The following EPS15 variants were observed in gnomAD, a reference collection of about 807,000 sequenced individuals.
The protein encoded by EPS15 is epidermal growth factor receptor pathway substrate 15.
A neutral mutation model predicts 113.8 loss-of-function variants in EPS15; 72 were observed. The ratio of observed to expected loss-of-function variants is 0.63; its 90% CI spans 0.52 to 0.77. The LOEUF is 0.77. Among genes scored for constraint, EPS15 ranks in the 30% least tolerant of loss-of-function variants. The pLI is 0.00. For synonymous variants in EPS15, 344 were observed against 363.4 expected, an observed-to-expected ratio of 0.95 and a Z score of 0.61; for missense variants, 1,048 against 1,045.8, an observed-to-expected ratio of 1.00 and a Z score of -0.03.
In EPS15 at chr1:51,365,885, G is replaced by A. The variant is rs557278674; in HGVS notation, c.2196+68C>T. 18 of 1,067,710 alleles carry A rather than the reference G, an allele frequency of 1.7e-5. No homozygotes were observed. In the East Asian group the frequency reaches 3.2e-4, roughly 19 times the overall value. 66.1% of individuals were successfully genotyped at this position (1,067,710 alleles called of 1,614,324 possible). ...AACTTTGTGAGAGGACTATATAATT[G>A]AAAGGAGGATTGTTCTTTTGGTGGA... is the stretch of plus-strand genomic sequence containing the variant. On this transcript the variant is annotated intron_variant, in intron 22 of 24. Coordinates refer to ENST00000371733, the MANE Select transcript of EPS15 (RefSeq NM_001981.3).
At chr1:51,396,646 CCTT>C (rs1570192168) in intron 20 of EPS15, among the ~76,000 whole-genome samples, 1 of 152,062 alleles carries the variant, frequency 6.6e-6, no homozygotes, top group Non-Finnish European at 1.5e-5. Context: ...AGTTTCTAGT[CCTT>C]CATCATATAC....
chr1:51,491,589 C>G (rs575288144), intron 1 of EPS15, among the ~76,000 whole-genome samples: 2 of 152,214 alleles, frequency 1.3e-5, no homozygotes, highest in African/African-American at 2.4e-5. Flanking sequence ...TAGTGATTAA[C>G]AGCAATCCAA....
At chr1:51,400,982 A>G (rs761700497) in intron 18 of EPS15, 29 bp from the exon 19 acceptor site, 62 of 1,508,608 alleles carry the variant, frequency 4.1e-5, no homozygotes, top group Non-Finnish European at 4.8e-5. Context: ...AAAGAAATCC[A>G]AATAACAATA....
intron 1 of EPS15, among the ~76,000 whole-genome samples, chr1:51,502,797 G>A (rs1313015303): frequency 6.6e-6 from 1 of 152,082 alleles, no homozygotes; most frequent in African/African-American, 2.4e-5. Flanking sequence ...CTGAGGTCAG[G>A]AGTCCGAAAG....
At chr1:51,498,635 A>G (rs536390189) in intron 1 of EPS15, among the ~76,000 whole-genome samples, 1 of 152,316 alleles carries the variant, frequency 6.6e-6, no homozygotes, top group Non-Finnish European at 1.5e-5. Flanking sequence ...TCCACTTACT[A>G]TGGGTTTATC....
At chr1:51,378,553 T>C (rs1253697920) in intron 21 of EPS15, among the ~76,000 whole-genome samples, 1 of 152,138 alleles carries the variant, frequency 6.6e-6, no homozygotes, top group Non-Finnish European at 1.5e-5. Context: ...ATCTAATTCA[T>C]CCAAGGAAGG....
intron 8 of EPS15, chr1:51,457,505 ATTATC>A (rs1654097333): frequency 1.7e-5 from 2 of 116,138 alleles, no homozygotes; most frequent in Non-Finnish European, 1.8e-5. Flanking sequence ...ATTTTGGAAT[ATTATC>A]TTTTTTTTTT....
At chr1:51,465,060 A>G (rs1354505938) in intron 6 of EPS15, among the ~76,000 whole-genome samples, 1 of 152,216 alleles carries the variant, frequency 6.6e-6, no homozygotes, top group African/African-American at 2.4e-5. Flanking sequence ...ACATTATAAC[A>G]GATATACAAG....
At chr1:51,365,870 G>C in intron 22 of EPS15, 83 bp downstream of exon 22, 1 of 832,162 alleles carries the variant, frequency 1.2e-6, no homozygotes, top group Non-Finnish European at 1.9e-6. Flanking sequence ...AACTTTGTGA[G>C]AGGACTATAT....
intron 1 of EPS15, among the ~76,000 whole-genome samples, chr1:51,514,591 A>C (rs1215210532): frequency 6.6e-6 from 1 of 152,218 alleles, no homozygotes; most frequent in African/African-American, 2.4e-5. Context: ...ACACTATTAG[A>C]GATTGCAGAG....
intron 24 of EPS15, among the ~76,000 whole-genome samples, chr1:51,357,391 A>AAAAAAAAT (rs1491245303): frequency 1.5e-5 from 1 of 65,720 alleles, no homozygotes; most frequent in African/African-American, 7.0e-5. Context: ...AAAAAAAAAA[A>AAAAAAAAT]ATATATATAT....
chr1:51,363,351 C>T (rs1010850313), intron 23 of EPS15, among the ~76,000 whole-genome samples: 1 of 151,510 alleles, frequency 6.6e-6, no homozygotes, highest in Non-Finnish European at 1.5e-5. Flanking sequence ...TACCATTTTC[C>T]TTCAAGAAAA....
At position 51,395,636 on chromosome 1, in the gene EPS15, G is replaced by C. The variant is rs191659810; in HGVS notation, c.2053-1189C>G. Among the ~76,000 whole-genome samples the C allele has an allele frequency of 3.3e-4, 51 of 152,268 alleles. No homozygotes were observed. The East Asian group carries it at 9.1e-3, about 27-fold the overall frequency. On this transcript the variant is annotated intron_variant, in intron 20 of 24. Transcript: ENST00000371733. ...AGCAACTGATCTTGCTAAAGGTGAG[G>C]ATGTTACCAGATGCCAGCGATTCTG...
chr1:51,488,944 T>C (rs1232546261), intron 1 of EPS15, among the ~76,000 whole-genome samples: 4 of 152,100 alleles, frequency 2.6e-5, no homozygotes, highest in African/African-American at 7.2e-5. Context: ...AATACAGATA[T>C]AGTGACAGAA....
chr1:51,513,868 G>A (rs540120618), intron 1 of EPS15, among the ~76,000 whole-genome samples: 2 of 152,246 alleles, frequency 1.3e-5, no homozygotes, highest in African/African-American at 4.8e-5. Context: ...AAAACTAAGT[G>A]TAGACACAAT....
intron 21 of EPS15, among the ~76,000 whole-genome samples, chr1:51,380,617 TAATAG>T (rs2148379916): frequency 6.6e-6 from 1 of 152,054 alleles, no homozygotes; most frequent in Non-Finnish European, 1.5e-5. Context: ...ATGAAGACCG[TAATAG>T]AGGAAATAAG....
At chr1:51,402,565 A>C in intron 17 of EPS15, 40 bp from the exon 18 acceptor site, 1 of 1,023,566 alleles carries the variant, frequency 9.8e-7, no homozygotes, top group Non-Finnish European at 1.5e-6. Flanking sequence ...TTTAGAAACC[A>C]AAGTTTTAAA....
intron 1 of EPS15, among the ~76,000 whole-genome samples, chr1:51,512,863 TTTG>T (rs1644649669): frequency 1.3e-5 from 2 of 150,706 alleles, no homozygotes. Context: ...TTTTTTTTTT[TTTG>T]GAGACAGGGT....
At chr1:51,387,527 G>A (rs1195057902) in intron 21 of EPS15, among the ~76,000 whole-genome samples, 18 of 152,254 alleles carry the variant, frequency 1.2e-4, no homozygotes, top group African/African-American at 2.4e-4. Context: ...AGACTGGCAA[G>A]TTGGATAAAG....
Sources: gnomAD v4.1 joint callset for allele counts (sites outside exome capture counted in the v4.1 genomes callset) on GRCh38, gnomAD v4.1.1 for gene constraint, MANE v1.5 for transcripts, NCBI Gene and HGNC (gene_info 2026-07-23, HGNC 2026-07-21) for gene names.